The following PTPRS variants were observed in gnomAD, a reference collection of about 807,000 sequenced individuals.
PTPRS encodes receptor-type tyrosine-protein phosphatase S.
A neutral mutation model predicts 215.3 loss-of-function variants in PTPRS; 63 were observed. That is an observed-to-expected ratio of 0.29 (90% confidence interval 0.24 to 0.36). The LOEUF (loss-of-function observed/expected upper bound fraction) is 0.36. Ranked by LOEUF, PTPRS falls within the 10% of genes least tolerant of loss-of-function variation. PTPRS has a pLI of 1.00. For missense variants in PTPRS, 2,258 were observed against 2,825.8 expected, an observed-to-expected ratio of 0.80 and a Z score of 4.56; for synonymous variants, 1,404 against 1,191.4, an observed-to-expected ratio of 1.18 and a Z score of -3.68.
chr19:5,220,095 C>T lies in PTPRS; in HGVS notation c.3609G>A (p.Glu1203=). ...RRSLRHSRQL[E]VPRPYIAARF... is the part of the protein sequence containing the mutation. ...GAGCTGCAATATAGGGCCGGGGCACCTCCAGCTGACGCGAGTGCCGCAGGC... is the reference window on the plus strand; with the variant it reads ...GAGCTGCAATATAGGGCCGGGGCACTTCCAGCTGACGCGAGTGCCGCAGGC... Residue 1203 remains glutamate, a synonymous_variant, in exon 22 of 38, where the codon GAG becomes GAA. Coordinates refer to ENST00000262963, the MANE Select transcript of PTPRS (RefSeq NM_002850.4). 1 of 1,613,766 alleles carries T rather than the reference C, an allele frequency of 6.2e-7. No homozygotes were observed. The highest frequency in any genetic ancestry group is 8.5e-7 in the Non-Finnish European group (1 of 1,179,996).
chr19:5,329,615 A>G (rs2050260794), intron 1 of PTPRS, among the ~76,000 whole-genome samples: 1 of 151,976 alleles, frequency 6.6e-6, no homozygotes, highest in African/African-American at 2.4e-5. Flanking sequence ...AATACAAAAA[A>G]TTAGCCGGGT....
At chr19:5,326,123 C>T (rs539955521) in intron 1 of PTPRS, among the ~76,000 whole-genome samples, 205 of 152,116 alleles carry the variant, frequency 1.3e-3, no homozygotes, top group African/African-American at 4.1e-3. Flanking sequence ...CCCAGCATCT[C>T]GGGAGGCTGA....
intron 30 of PTPRS, among the ~76,000 whole-genome samples, 157 bp from the exon 31 acceptor site, chr19:5,212,648 AGC>A (rs200048139): frequency 0.042 from 6,374 of 152,264 alleles, 458 homozygotes; most frequent in African/African-American, 0.15. Flanking sequence ...GTTCGAGACC[AGC>A]CTGACCAACA....
intron 6 of PTPRS, among the ~76,000 whole-genome samples, chr19:5,262,468 G>A (rs2046077288): frequency 6.6e-6 from 1 of 152,176 alleles, no homozygotes. Context: ...AGGAGATTCA[G>A]GCTGAATGCT....
intron 9 of PTPRS, among the ~76,000 whole-genome samples, chr19:5,255,842 G>A (rs565214929): frequency 3.3e-5 from 5 of 152,240 alleles, no homozygotes; most frequent in Non-Finnish European, 7.3e-5. Context: ...GCATGTGTGC[G>A]GCCGGCCCTA....
At chr19:5,262,399 A>C (rs2046070007) in intron 6 of PTPRS, among the ~76,000 whole-genome samples, 1 of 152,240 alleles carries the variant, frequency 6.6e-6, no homozygotes, top group Non-Finnish European at 1.5e-5. Flanking sequence ...AGGGACTGAT[A>C]GCATAGGCTG....
intron 13 of PTPRS, 139 bp from the exon 14 acceptor site, chr19:5,231,754 A>G (rs2043036509): frequency 7.0e-6 from 2 of 287,326 alleles, no homozygotes; most frequent in Non-Finnish European, 1.4e-5. Flanking sequence ...ACCAAAGAGA[A>G]GTCGAACCCA....
chr19:5,256,131 A>T lies in PTPRS; in HGVS notation c.707-12T>A. 1 of 1,523,714 alleles carries T rather than the reference A, an allele frequency of 6.6e-7. No homozygotes were observed. Among genetic ancestry groups the T allele is most frequent in the Non-Finnish European group, 9.1e-7 (1 of 1,100,962 alleles). The allele number at this position is 1,523,714 out of a possible 1,614,324, so 94.4% of individuals were successfully genotyped here. A position where few individuals can be genotyped will look rare whatever the true frequency, so the allele number is the denominator to read the frequency against. On this transcript the variant is annotated splice_polypyrimidine_tract_variant and intron_variant, in intron 8 of 37. Coordinates refer to ENST00000262963, the MANE Select transcript of PTPRS (RefSeq NM_002850.4). The stretch of plus-strand genomic sequence containing the variant: ...ACCTTCTCGAAGCTCTGAGGGATGT[A>T]AAGGGGGTTTGATGCAGAACACAAT...
intron 12 of PTPRS, among the ~76,000 whole-genome samples, chr19:5,239,482 TAC>T (rs2043821341): frequency 7.2e-6 from 1 of 138,288 alleles, no homozygotes; most frequent in Middle Eastern, 4.6e-3. Flanking sequence ...CAGAGAGAGA[TAC>T]AGAGACAGAC....
Position 5,244,591 on chromosome 19 carries a change from A to C in PTPRS, c.989-109T>G. 1.1e-6 allele frequency: 1 copy of C among 879,252 alleles called. No individual in the cohort carries two copies. Among genetic ancestry groups the C allele is most frequent in the Non-Finnish European group, 1.7e-6 (1 of 579,128 alleles). The allele number at this position is 879,252 out of a possible 1,614,324, so 54.5% of individuals were successfully genotyped here. A position where few individuals can be genotyped will look rare whatever the true frequency, so the allele number is the denominator to read the frequency against. ...GCCTTCTCTGAGCCTTGATTTGCCC[A>C]GCAGTAATCATGGGCCTCATGACTC... On this transcript the variant is annotated intron_variant, in intron 10 of 37. Coordinates refer to ENST00000262963, the MANE Select transcript of PTPRS (RefSeq NM_002850.4). This position sits in a 1 kb window ranked among gnomAD's most constrained non-coding sequence, Gnocchi z 7.2.
At chr19:5,240,981 C>A in intron 11 of PTPRS, among the ~76,000 whole-genome samples, 1 of 147,476 alleles carries the variant, frequency 6.8e-6, no homozygotes, top group African/African-American at 2.5e-5. Context: ...CCTCCGCCTC[C>A]AGGGTTCAAG....
chr19:5,288,321 A>G (rs961279528), intron 1 of PTPRS, among the ~76,000 whole-genome samples: 2 of 152,166 alleles, frequency 1.3e-5, no homozygotes, highest in African/African-American at 4.8e-5. Flanking sequence ...GCAAAGTCAG[A>G]TTCCCTTCCT....
chr19:5,322,717 T>G (rs997539019), intron 1 of PTPRS, among the ~76,000 whole-genome samples: 3 of 151,384 alleles, frequency 2.0e-5, no homozygotes, highest in African/African-American at 7.3e-5. Context: ...CTGCCTCTAC[T>G]AAAAATACAA....
chr19:5,274,229 C>T lies in PTPRS; in HGVS notation c.207G>A (p.Lys69=). The T allele has an allele frequency of 6.2e-7, 1 of 1,614,084 alleles. No individual in the cohort carries two copies. The highest frequency in any genetic ancestry group is 2.2e-5 in the East Asian group (1 of 44,872). Residue 69 remains lysine, a synonymous_variant, in exon 3 of 38, where the codon AAG becomes AAA. Coordinates refer to ENST00000262963, the MANE Select transcript of PTPRS (RefSeq NM_002850.4). ...DPKPRVTWNK[K]GKKVNSQRFE... is the part of the protein sequence containing the mutation. ...AGCGCTGAGAGTTGACCTTCTTGCC[C>T]TTCTTGTTCCAGGTCACTCGTGGCT...
At chr19:5,223,330 A>G in intron 17 of PTPRS, 33 bp from the exon 18 acceptor site, 1 of 1,430,468 alleles carries the variant, frequency 7.0e-7, no homozygotes, top group Non-Finnish European at 9.1e-7. Flanking sequence ...TCAGGGTCCC[A>G]GCGCCATCCG....
rs1312123638 is a variant in PTPRS at position 5,257,981 on chromosome 19, G to T, written c.706+36C>A. On this transcript the variant is annotated intron_variant, in intron 8 of 37. Coordinates refer to ENST00000262963, the MANE Select transcript of PTPRS (RefSeq NM_002850.4). This position sits in a 1 kb window ranked among gnomAD's most constrained non-coding sequence, Gnocchi z 4.4. ...GGAGGGAGGGGGATGGGACGGGGCG[G>T]GTCCCTGCCTTTGACCTGGACGCGG... 11 of 1,566,832 alleles carry T rather than the reference G, an allele frequency of 7.0e-6. No individual in the cohort carries two copies. The highest frequency in any genetic ancestry group is 9.6e-6 in the Non-Finnish European group (11 of 1,142,236).
At chr19:5,305,195 A>G (rs34879045) in intron 1 of PTPRS, among the ~76,000 whole-genome samples, 25,674 of 152,216 alleles carry the variant, frequency 0.17, 2,851 homozygotes, top group Non-Finnish European at 0.25. Context: ...TGAGCACATC[A>G]GCTATTATTC....
At chr19:5,208,776 T>C (rs899042561) in intron 35 of PTPRS, among the ~76,000 whole-genome samples, 5 of 152,272 alleles carry the variant, frequency 3.3e-5, no homozygotes, top group African/African-American at 1.2e-4. Flanking sequence ...GCCACCCAGC[T>C]GTTCCTCTCC....
At chr19:5,290,103 G>A (rs910629120) in intron 1 of PTPRS, among the ~76,000 whole-genome samples, 1 of 152,244 alleles carries the variant, frequency 6.6e-6, no homozygotes, top group African/African-American at 2.4e-5. Context: ...GAGAAGGAGA[G>A]GGAGTGACCG....
Sources: allele counts gnomAD v4.1 joint callset (sites outside exome capture counted in the v4.1 genomes callset), GRCh38; gene constraint gnomAD v4.1.1; non-coding constraint Gnocchi (gnomAD v3.1); transcripts MANE v1.5; gene names NCBI Gene and HGNC (gene_info 2026-07-23, HGNC 2026-07-21).